UNC13C: variants seen among roughly 807,000 people sequenced by gnomAD.
The protein encoded by UNC13C is unc-13 homolog C.
UNC13C carries 174 observed loss-of-function variants against 245.4 expected under a neutral mutation model. The ratio of observed to expected loss-of-function variants is 0.71; its 90% CI spans 0.63 to 0.80. The LOEUF (loss-of-function observed/expected upper bound fraction) is 0.80, where lower values mean the gene tolerates loss of function less well. Ranked by LOEUF, UNC13C falls within the 30% of genes least tolerant of loss-of-function variation. The probability of loss-of-function intolerance (pLI) is 0.00; values close to 1 mark genes in which losing one functional copy is unlikely to be tolerated. For synonymous variants in UNC13C, 992 were observed against 895.1 expected (o/e 1.11, Z -1.93); for missense variants, 2,829 against 2,602.9 (o/e 1.09, Z -1.89).
intron 28 of UNC13C, among the ~76,000 whole-genome samples, chr15:54,554,793 T>A (rs1897024409): frequency 6.6e-6 from 1 of 152,024 alleles, no homozygotes; most frequent in Non-Finnish European, 1.5e-5. Context: ...ATCATTTCCC[T>A]AAATAAGCTT....
chr15:54,320,779 C>T, intron 13 of UNC13C: 1 of 375,108 alleles, frequency 2.7e-6, no homozygotes, highest in Non-Finnish European at 5.2e-6. Context: ...ACCATGACCA[C>T]CTTGGTTTCC....
intron 19 of UNC13C, among the ~76,000 whole-genome samples, chr15:54,451,939 G>C (rs1298297640): frequency 6.6e-6 from 1 of 152,180 alleles, no homozygotes; most frequent in East Asian, 1.9e-4. Context: ...TACTGAATGT[G>C]TATCTGTGAT....
intron 4 of UNC13C, among the ~76,000 whole-genome samples, chr15:54,210,414 T>G (rs2034844736): frequency 6.6e-6 from 1 of 151,864 alleles, no homozygotes; most frequent in Admixed American, 6.6e-5. Flanking sequence ...AATATTTATT[T>G]TTGTACTGAA....
intron 25 of UNC13C, among the ~76,000 whole-genome samples, chr15:54,529,774 C>T (rs901901515): frequency 3.3e-5 from 5 of 152,010 alleles, no homozygotes; most frequent in African/African-American, 1.2e-4. Context: ...AAATGAATTC[C>T]CTCCTTCTCC....
chr15:54,626,462 G>C (rs1758091447), intron 32 of UNC13C, among the ~76,000 whole-genome samples: 1 of 149,050 alleles, frequency 6.7e-6, no homozygotes, highest in African/African-American at 2.4e-5. Flanking sequence ...GGGAGGTAAA[G>C]TGCGAGTAGT....
intron 19 of UNC13C, among the ~76,000 whole-genome samples, chr15:54,482,014 A>G (rs1182214130): frequency 6.6e-6 from 1 of 152,176 alleles, no homozygotes; most frequent in Admixed American, 6.5e-5. Flanking sequence ...TCTGCATGGC[A>G]GTGGTCCTAG....
At chr15:54,625,304 A>ATGAG (rs200831379) in intron 32 of UNC13C, among the ~76,000 whole-genome samples, 3,712 of 151,990 alleles carry the variant, frequency 0.024, 164 homozygotes, top group African/African-American at 0.084. Flanking sequence ...GTCCCAACAG[A>ATGAG]TGAGTTTTCT....
the UNC13C span, among the ~76,000 whole-genome samples, chr15:53,959,602 G>A: frequency 6.6e-6 from 1 of 152,078 alleles, no homozygotes. Flanking sequence ...GACTCAGGGT[G>A]TCCTTTGGTT....
rs116474647 is a variant in UNC13C at position 54,626,280 on chromosome 15, G to C, written c.6360-548G>C. On this transcript the variant is annotated intron_variant, in intron 32 of 32. Coordinates refer to ENST00000260323, the MANE Select transcript of UNC13C (RefSeq NM_001080534.3). ...GGAAAGAATCGGCATTGAATCACCA[G>C]GCTCTGCTGGAATTGATTTACTCTG... is the stretch of plus-strand genomic sequence containing the variant. Among the ~76,000 whole-genome samples, 1,004 of 139,554 alleles carry C rather than the reference G, an allele frequency of 7.2e-3. 13 individuals are homozygous for C. Among genetic ancestry groups the C allele is most frequent in the African/African-American group, 0.024 (955 of 39,842 alleles). 91.6% of individuals were successfully genotyped at this position (139,554 alleles called of 152,430 possible).
chr15:54,466,360 C>T (rs1302602904), intron 19 of UNC13C, among the ~76,000 whole-genome samples: 1 of 151,938 alleles, frequency 6.6e-6, no homozygotes, highest in Non-Finnish European at 1.5e-5. Flanking sequence ...CAGTAAATGA[C>T]TGAGGTGATG....
chr15:53,851,152 C>A, the UNC13C span, among the ~76,000 whole-genome samples: 2 of 152,022 alleles, frequency 1.3e-5, no homozygotes, highest in South Asian at 4.1e-4. Context: ...CTTTGATCAT[C>A]TATGTCATGC....
intron 4 of UNC13C, among the ~76,000 whole-genome samples, chr15:54,177,281 G>GTA (rs531321198): frequency 1.3e-3 from 195 of 152,248 alleles, no homozygotes; most frequent in African/African-American, 4.6e-3. Context: ...CAGAGGTACT[G>GTA]TATGTATAGA....
chr15:54,170,427 T>C (rs2033353239), intron 4 of UNC13C, among the ~76,000 whole-genome samples: 1 of 152,022 alleles, frequency 6.6e-6, no homozygotes, highest in African/African-American at 2.4e-5. Context: ...ATGAAGGGAG[T>C]ATAAATATAT....
intron 2 of UNC13C, among the ~76,000 whole-genome samples, chr15:54,042,545 C>T (rs1376629019): frequency 1.3e-5 from 2 of 152,188 alleles, no homozygotes; most frequent in Non-Finnish European, 2.9e-5. Context: ...CATTCATTAA[C>T]TTAGTGGCTT....
the UNC13C span, among the ~76,000 whole-genome samples, chr15:53,936,339 C>T: frequency 6.6e-6 from 1 of 152,190 alleles, no homozygotes; most frequent in Non-Finnish European, 1.5e-5. Flanking sequence ...ATTTCAGCAA[C>T]ACCAGCCAGG....
intron 1 of UNC13C, among the ~76,000 whole-genome samples, chr15:54,000,444 T>C (rs1260118148): frequency 6.6e-6 from 1 of 152,132 alleles, no homozygotes; most frequent in Non-Finnish European, 1.5e-5. Context: ...AAAATGCAGG[T>C]GGTGATATTA....
intron 4 of UNC13C, among the ~76,000 whole-genome samples, chr15:54,234,730 T>C (rs2140826369): frequency 6.6e-6 from 1 of 152,342 alleles, no homozygotes; most frequent in South Asian, 2.1e-4. Context: ...TCCACAGATC[T>C]TACATTTTGA....
At position 54,626,209 on chromosome 15, in the gene UNC13C, G is replaced by T. The variant is rs147636214; in HGVS notation, c.6360-619G>T. Among the ~76,000 whole-genome samples the T allele has an allele frequency of 4.6e-3, 707 of 152,220 alleles. 2 individuals carry two copies. The highest frequency in any genetic ancestry group is 8.1e-3 in the Non-Finnish European group (548 of 68,008). On this transcript the variant is annotated intron_variant, in intron 32 of 32. Transcript: ENST00000260323. ...TGACACTAACAAGCTGTCTTAGGTG[G>T]TTGTTAGGAGAGGCCACACACTTGA...
chr15:54,447,594 T>A lies in UNC13C; in HGVS notation c.4933+32527T>A, dbSNP rs564139864. Among the ~76,000 whole-genome samples the A allele has an allele frequency of 2.2e-4, 34 of 152,366 alleles. No individual in the cohort carries two copies. In the South Asian group the frequency reaches 6.4e-3, roughly 29 times the overall value. ...TATATTATTCTCTGATGGTAGTTTG[T>A]ATTTCTGTGGGATCGATGGTGATAT... On this transcript the variant is annotated intron_variant, in intron 19 of 32. Transcript: ENST00000260323.
Sources: gnomAD v4.1 joint callset for allele counts (sites outside exome capture counted in the v4.1 genomes callset) on GRCh38, gnomAD v4.1.1 for gene constraint, MANE v1.5 for transcripts, NCBI Gene and HGNC (gene_info 2026-07-23, HGNC 2026-07-21) for gene names.